ARFGEF3: variants seen among roughly 807,000 people sequenced by gnomAD.
ARFGEF3 encodes brefeldin A-inhibited guanine nucleotide-exchange protein 3.
In ARFGEF3, 96 loss-of-function variants were observed where a neutral mutation model predicts 221.7. That is an observed-to-expected ratio of 0.43 (90% CI 0.37 to 0.51). The LOEUF is 0.51. ARFGEF3 is among the 20% of genes least tolerant of loss of function. The probability of loss-of-function intolerance (pLI) is 0.00; values close to 1 mark genes in which losing one functional copy is unlikely to be tolerated. For synonymous variants in ARFGEF3, 1,145 were observed against 1,126.8 expected, an observed-to-expected ratio of 1.02 and a Z score of -0.32; for missense variants, 2,410 against 2,789.9, an observed-to-expected ratio of 0.86 and a Z score of 3.07.
At position 138,186,551 on chromosome 6, in the gene ARFGEF3, CAGG is replaced by C. The variant is rs1562346158; in HGVS notation, c.137+15841_137+15843del. 2.0e-5 allele frequency among the ~76,000 whole-genome samples: 3 copies of C among 152,272 alleles called. No individual in the cohort carries two copies. The South Asian group carries it at 6.2e-4, about 32-fold the overall frequency. Reference sequence around the variant, plus strand: ...AAGTTTTCCAGGGTTACACGGGAGGCAGGAGAAGTGGAAAACAGGATTGTTGGG... The same window carrying C: ...AAGTTTTCCAGGGTTACACGGGAGGCAGAAGTGGAAAACAGGATTGTTGGG... On this transcript the variant is annotated intron_variant, in intron 2 of 33. Transcript: ENST00000251691.
chr6:138,279,257 A>G lies in ARFGEF3; in HGVS notation c.2295+640A>G, dbSNP rs145287514. ...AGCCTTGAACTCCTGGGCTCAAGCAATCCTCCCACCTTGCCCTCCCAAAGC... is the reference window on the plus strand; with the variant it reads ...AGCCTTGAACTCCTGGGCTCAAGCAGTCCTCCCACCTTGCCCTCCCAAAGC... On this transcript the variant is annotated intron_variant, in intron 13 of 33. Transcript: ENST00000251691. Among the ~76,000 whole-genome samples the G allele has an allele frequency of 5.6e-3, 853 of 152,278 alleles. 8 individuals are homozygous for G. Among genetic ancestry groups the G allele is most frequent in the African/African-American group, 0.02 (815 of 41,548 alleles).
rs1175920086 is a variant in ARFGEF3, at chr6:138,290,635, C to G, written c.3047+667C>G. Among the ~76,000 whole-genome samples, 4 of 152,242 alleles carry G rather than the reference C, an allele frequency of 2.6e-5. No individual in the cohort carries two copies. The South Asian group carries it at 8.3e-4, about 32-fold the overall frequency. On this transcript the variant is annotated intron_variant, in intron 18 of 33. Transcript: ENST00000251691. ...AAGCACGTCTCCCCAAGCATTGCAT[C>G]AGGACAGACCCAGTACCGTGGAAGG...
intron 23 of ARFGEF3, among the ~76,000 whole-genome samples, chr6:138,307,722 A>G (rs1779751626): frequency 6.6e-6 from 1 of 152,228 alleles, no homozygotes; most frequent in Non-Finnish European, 1.5e-5. Context: ...GAAGCAGAAA[A>G]GTATCATAAC....
intron 5 of ARFGEF3, among the ~76,000 whole-genome samples, chr6:138,233,873 A>C (rs1233348366): frequency 6.6e-6 from 1 of 152,162 alleles, no homozygotes; most frequent in Non-Finnish European, 1.5e-5. Context: ...ACCTCCTGGC[A>C]AGAAAACTAG....
At chr6:138,233,873 A>G (rs1233348366) in intron 5 of ARFGEF3, among the ~76,000 whole-genome samples, 1 of 152,162 alleles carries the variant, frequency 6.6e-6, no homozygotes, top group Admixed American at 6.5e-5. Context: ...ACCTCCTGGC[A>G]AGAAAACTAG....
intron 12 of ARFGEF3, among the ~76,000 whole-genome samples, chr6:138,271,629 G>A (rs1340263672): frequency 3.3e-5 from 5 of 152,148 alleles, no homozygotes; most frequent in South Asian, 2.1e-4. Context: ...GCTAGGAAGC[G>A]GTGATACCAG....
intron 10 of ARFGEF3, among the ~76,000 whole-genome samples, chr6:138,261,127 G>A (rs1778782577): frequency 6.6e-6 from 1 of 152,022 alleles, no homozygotes; most frequent in African/African-American, 2.4e-5. Flanking sequence ...TAAGAAAGAG[G>A]GCATACTTCT....
At chr6:138,171,843 C>T (rs973987255) in intron 2 of ARFGEF3, among the ~76,000 whole-genome samples, 2 of 152,086 alleles carry the variant, frequency 1.3e-5, no homozygotes, top group South Asian at 2.1e-4. Context: ...GTTACATATA[C>T]TTCCATTATA....
chr6:138,276,751 C>T (rs1050702511), intron 12 of ARFGEF3, among the ~76,000 whole-genome samples: 1 of 152,040 alleles, frequency 6.6e-6, no homozygotes, highest in Non-Finnish European at 1.5e-5. Context: ...CTACAGCCTC[C>T]GCCTCCCGGG....
Position 138,334,643 on chromosome 6 carries a change from A to G in ARFGEF3, c.5797A>G (p.Lys1933Glu). The change falls in exon 33 of 34, where the codon AAG (lysine) becomes GAG (glutamate). Residue 1933 changes from lysine (K) to glutamate (E), a missense_variant. By Grantham distance (56) the Lys-to-Glu change is moderately conservative. Transcript: ENST00000251691. The surrounding 1 kb of genome is among the most constrained non-coding windows in gnomAD (Gnocchi z 5.1). ...CTGTATGGAGGAGCCTCCCATCTTC[A>G]AGGGCGACCCGTTCTTCATCCTGCC... ...ENCMEEPPIF[K>E]GDPFFILPSF... The G allele has an allele frequency of 6.2e-7, 1 of 1,613,538 alleles. No homozygotes were observed. The highest frequency in any genetic ancestry group is 8.5e-7 in the Non-Finnish European group (1 of 1,179,832).
chr6:138,250,855 T>C (rs927371570), intron 8 of ARFGEF3, among the ~76,000 whole-genome samples: 1 of 151,956 alleles, frequency 6.6e-6, no homozygotes, highest in Non-Finnish European at 1.5e-5. Context: ...AGTAGACAGA[T>C]TTTTCCCTCA....
At chr6:138,329,436 G>T (rs986212710) in intron 32 of ARFGEF3, among the ~76,000 whole-genome samples, 59 of 152,142 alleles carry the variant, frequency 3.9e-4, no homozygotes, top group African/African-American at 1.4e-3. Context: ...ACCCAAGGCA[G>T]ACAGATCACC....
Position 138,261,602 on chromosome 6 carries a change from A to G in ARFGEF3, c.1180A>G (p.Ile394Val), listed in dbSNP as rs771657236. Residue 394 changes from isoleucine (I) to valine (V), a missense_variant, in exon 11 of 34, where the codon ATT becomes GTT. Physicochemically the swap from Ile to Val is conservative, Grantham distance 29. Coordinates refer to ENST00000251691, the MANE Select transcript of ARFGEF3 (RefSeq NM_020340.5). The part of the protein sequence containing the change: ...STESESRKRS[I>V]SKRKSHLDLL... ...TGAATCAGAGTCCAGAAAAAGATCAATTTCAAAAAGAAAGTCTCATCTGGA... is the reference window on the plus strand; with the variant it reads ...TGAATCAGAGTCCAGAAAAAGATCAGTTTCAAAAAGAAAGTCTCATCTGGA... 1.3e-5 allele frequency: 20 copies of G among 1,571,774 alleles called. No homozygotes were observed. The highest frequency in any genetic ancestry group is 1.2e-4 in the East Asian group (5 of 43,040).
At chr6:138,254,174 T>C (rs560026016) in intron 9 of ARFGEF3, among the ~76,000 whole-genome samples, 190 bp downstream of exon 9, 33 of 152,252 alleles carry the variant, frequency 2.2e-4, no homozygotes, top group African/African-American at 7.7e-4. Context: ...CTCCGCACTT[T>C]GGGAGGCCGA....
chr6:138,247,265 A>C (rs1419762093), intron 8 of ARFGEF3, among the ~76,000 whole-genome samples: 2 of 152,142 alleles, frequency 1.3e-5, no homozygotes, highest in African/African-American at 4.8e-5. Flanking sequence ...TGGCACTCAG[A>C]TTACCATCCT....
Position 138,245,543 on chromosome 6 carries a change from T to A in ARFGEF3, c.617T>A (p.Val206Asp), listed in dbSNP as rs1311217031. 2 of 1,611,440 alleles carry A rather than the reference T, an allele frequency of 1.2e-6. No individual in the cohort carries two copies. The highest frequency in any genetic ancestry group is 1.3e-5 in the African/African-American group (1 of 74,860). Residue 206 changes from valine (V) to aspartate (D), a missense_variant, in exon 8 of 34, where the codon GTT (valine) becomes GAT (aspartate). Val to Asp is a radical substitution (Grantham distance 152). Transcript: ENST00000251691. ...ACAGTAGAGTCCCTCTGTGATGATG[T>A]TGTCTCTGTACTCACCGTCCTGTGT... ...GSTVESLCDD[V>D]VSVLTVLCEK...
At chr6:138,315,786 G>C (rs1188733658) in intron 26 of ARFGEF3, among the ~76,000 whole-genome samples, 8 of 151,740 alleles carry the variant, frequency 5.3e-5, no homozygotes, top group African/African-American at 1.5e-4. Context: ...GGAGGTGGAG[G>C]TTGCAGTGAG....
intron 2 of ARFGEF3, among the ~76,000 whole-genome samples, chr6:138,173,110 T>C (rs1344462592): frequency 6.6e-6 from 1 of 152,068 alleles, no homozygotes; most frequent in Admixed American, 6.6e-5. Flanking sequence ...AGGAGAAAAA[T>C]AACAATACAG....
chr6:138,203,560 A>G (rs1279997093), intron 2 of ARFGEF3, among the ~76,000 whole-genome samples: 1 of 152,224 alleles, frequency 6.6e-6, no homozygotes, highest in Non-Finnish European at 1.5e-5. Context: ...TGAATGGATG[A>G]TCGGATGGAT....
Sources: gnomAD v4.1 joint callset for allele counts (sites outside exome capture counted in the v4.1 genomes callset) on GRCh38, gnomAD v4.1.1 for gene constraint, Gnocchi (gnomAD v3.1) non-coding constraint, MANE v1.5 for transcripts, NCBI Gene and HGNC (gene_info 2026-07-23, HGNC 2026-07-21) for gene names.